Variants in WWTR1 observed in about 807,000 individuals in gnomAD.
WWTR1 encodes the protein WW domain-containing transcription regulator protein 1.
In WWTR1, 13 loss-of-function variants were observed where a neutral mutation model predicts 40.1. That is an observed-to-expected ratio of 0.32 (90% CI 0.21 to 0.52). The LOEUF (loss-of-function observed/expected upper bound fraction) is 0.52, where lower values mean the gene tolerates loss of function less well. Among genes scored for constraint, WWTR1 ranks in the 20% least tolerant of loss-of-function variants. WWTR1 has a pLI of 0.97. For synonymous variants in WWTR1, 230 were observed against 210.1 expected (o/e 1.09, Z -0.82); for missense variants, 436 against 523.1 (o/e 0.83, Z 1.63).
At chr3:149,675,010 T>C (rs989538605) in intron 1 of WWTR1, among the ~76,000 whole-genome samples, 1 of 152,230 alleles carries the variant, frequency 6.6e-6, no homozygotes, top group Non-Finnish European at 1.5e-5. Context: ...GGGAGACCAG[T>C]TGGTAAACTA....
intron 1 of WWTR1, among the ~76,000 whole-genome samples, chr3:149,676,922 CTT>C (rs370634233): frequency 1.0e-3 from 144 of 141,394 alleles, no homozygotes; most frequent in African/African-American, 3.2e-3. Flanking sequence ...CCTTGAGACT[CTT>C]TTTTTTTTTT....
At position 149,668,827 on chromosome 3, in the gene WWTR1, G is replaced by A. The variant is rs1444299775; in HGVS notation, c.-4+961C>T. Among the ~76,000 whole-genome samples the A allele has an allele frequency of 2.0e-5, 3 of 152,054 alleles. No individual in the cohort carries two copies. The South Asian group carries it at 6.2e-4, about 31-fold the overall frequency. On this transcript the variant is annotated intron_variant, in intron 2 of 7. Coordinates refer to the WWTR1 transcript ENST00000465804. ...CTCCACTCACCAAAAAGTCACCTTGGTTTCAAATTTTTTTTCATTAGTGTT... is the reference window on the plus strand; with the variant it reads ...CTCCACTCACCAAAAAGTCACCTTGATTTCAAATTTTTTTTCATTAGTGTT...
chr3:149,656,760 C>A, intron 2 of WWTR1, 116 bp downstream of exon 2: 1 of 683,040 alleles, frequency 1.5e-6, no homozygotes, highest in Non-Finnish European at 2.0e-6. Flanking sequence ...CACCATCTCT[C>A]TCTTTCTCTC....
At chr3:149,714,141 G>A (rs1171148411) in intron 5 of WWTR1, among the ~76,000 whole-genome samples, 1 of 152,212 alleles carries the variant, frequency 6.6e-6, no homozygotes, top group Non-Finnish European at 1.5e-5. Context: ...GGCCTGGGGC[G>A]GTGTCACCTT....
chr3:149,564,844 T>G (rs1737238355), intron 3 of WWTR1, among the ~76,000 whole-genome samples: 1 of 152,214 alleles, frequency 6.6e-6, no homozygotes, highest in African/African-American at 2.4e-5. Flanking sequence ...ACAACAAAGT[T>G]TTCCATGTGT....
chr3:149,563,393 T>C (rs1338895777), intron 3 of WWTR1, among the ~76,000 whole-genome samples: 2 of 152,176 alleles, frequency 1.3e-5, no homozygotes, highest in Non-Finnish European at 2.9e-5. Context: ...AGCAGACTTG[T>C]ACATTTACCC....
intron 4 of WWTR1, among the ~76,000 whole-genome samples, chr3:149,723,484 A>AGCTGGTTT (rs1423729744): frequency 9.9e-5 from 15 of 151,910 alleles, no homozygotes; most frequent in South Asian, 8.3e-4. Context: ...CACCTCACCC[A>AGCTGGTTT]GCTGGTTTGC....
intron 2 of WWTR1, among the ~76,000 whole-genome samples, chr3:149,611,468 C>A (rs1347895728): frequency 1.3e-5 from 2 of 152,212 alleles, no homozygotes; most frequent in Non-Finnish European, 2.9e-5. Context: ...AATCTGGACT[C>A]TTTCAGAAAG....
At chr3:149,597,432 CA>C (rs1253950023) in intron 2 of WWTR1, among the ~76,000 whole-genome samples, 162 of 51,828 alleles carry the variant, frequency 3.1e-3, no homozygotes, top group Middle Eastern at 0.011. Flanking sequence ...CCCAGCTCTA[CA>C]AAAAAAAAAA....
intron 2 of WWTR1, among the ~76,000 whole-genome samples, chr3:149,615,268 AT>A (rs764848662): frequency 1.3e-5 from 2 of 152,168 alleles, no homozygotes; most frequent in Admixed American, 6.5e-5. Context: ...GGTTTCAACC[AT>A]TTTTTTATAA....
At chr3:149,662,942 G>A (rs987104049), upstream of WWTR1, among the ~76,000 whole-genome samples, 11 of 152,120 alleles carry the variant, frequency 7.2e-5, no homozygotes, top group Non-Finnish European at 1.5e-4. Flanking sequence ...ATTGCCAGGC[G>A]TTCAGTAATC....
intron 2 of WWTR1, among the ~76,000 whole-genome samples, chr3:149,616,951 T>C (rs76089986): frequency 0.097 from 14,713 of 152,210 alleles, 825 homozygotes; most frequent in African/African-American, 0.15. Context: ...TGTTGCTTTA[T>C]GTGCATAGGC....
intron 2 of WWTR1, among the ~76,000 whole-genome samples, chr3:149,618,715 G>A (rs1740121662): frequency 6.6e-6 from 1 of 152,210 alleles, no homozygotes; most frequent in South Asian, 2.1e-4. Flanking sequence ...GCAGAGTCGA[G>A]ACTTGAACAC....
chr3:149,597,997 A>G (rs1739078643), intron 2 of WWTR1, among the ~76,000 whole-genome samples: 1 of 152,212 alleles, frequency 6.6e-6, no homozygotes, highest in Admixed American at 6.5e-5. Context: ...GCTTCACTCA[A>G]AACAAGCAGC....
chr3:149,607,625 A>G (rs1183621877), intron 2 of WWTR1, among the ~76,000 whole-genome samples: 1 of 152,154 alleles, frequency 6.6e-6, no homozygotes, highest in Admixed American at 6.5e-5. Flanking sequence ...TGACGTAGTG[A>G]TTTTCTAAAG....
chr3:149,672,041 C>T (rs56218128), intron 1 of WWTR1, among the ~76,000 whole-genome samples: 56,501 of 151,880 alleles, frequency 0.37, 10,889 homozygotes, highest in Middle Eastern at 0.55. Context: ...GCTTCCCTGT[C>T]TCCTAGAAAA....
rs1736149620 is a variant in WWTR1, at chr3:149,542,414, T to TG, written c.691dup (p.Gln231ProfsTer40). 6.2e-7 allele frequency: 1 copy of TG among 1,614,066 alleles called. No individual in the cohort carries two copies. Among genetic ancestry groups the TG allele is most frequent in the Admixed American group, 1.7e-5 (1 of 60,000 alleles). On this transcript the variant is annotated frameshift_variant, in exon 4 of 7. Transcript: ENST00000360632. LOFTEE classifies it high-confidence loss of function. ...TCTCTGAAGCCGCAGTTTCTGCTGC[T>TG]GCTGCTGCTGAGTGGTCAGCGCATT...
upstream of WWTR1, among the ~76,000 whole-genome samples, chr3:149,707,900 T>C (rs533320433): frequency 6.7e-6 from 1 of 149,370 alleles, no homozygotes; most frequent in African/African-American, 2.5e-5. Flanking sequence ...TATGGTATGG[T>C]CATACCAATT....
chr3:149,613,755 A>G (rs1175693120), intron 2 of WWTR1, among the ~76,000 whole-genome samples: 1 of 152,128 alleles, frequency 6.6e-6, no homozygotes, highest in Non-Finnish European at 1.5e-5. Flanking sequence ...ACTGTTGCCC[A>G]GGCTGGTCTC....
Sources: allele counts gnomAD v4.1 joint callset (sites outside exome capture counted in the v4.1 genomes callset), GRCh38; gene constraint gnomAD v4.1.1; transcripts MANE v1.5; gene names NCBI Gene and HGNC (gene_info 2026-07-23, HGNC 2026-07-21).